Variants in RAB27A observed in about 807,000 individuals in gnomAD.
The protein encoded by RAB27A is ras-related protein Rab-27A.
Under a neutral mutation model 20.8 loss-of-function variants are expected in RAB27A, and 17 were observed. That is an observed-to-expected ratio of 0.82 (90% CI 0.56 to 1.23). RAB27A has a LOEUF of 1.23. Ranked by LOEUF, RAB27A falls within the 50% of genes most tolerant of loss-of-function variation. The pLI is 0.00. For synonymous variants in RAB27A, 85 were observed against 92.8 expected, an observed-to-expected ratio of 0.92 and a Z score of 0.48; for missense variants, 277 against 266.7, an observed-to-expected ratio of 1.04 and a Z score of -0.27.
intron 6 of RAB27A, among the ~76,000 whole-genome samples, chr15:55,221,291 C>A (rs78649439): frequency 4.6e-5 from 6 of 131,172 alleles, no homozygotes; most frequent in African/African-American, 1.7e-4. Flanking sequence ...TCTTTTTTTT[C>A]TTTGCATTTA....
At chr15:55,252,480 T>C (rs1896925642) in intron 2 of RAB27A, among the ~76,000 whole-genome samples, 1 of 152,110 alleles carries the variant, frequency 6.6e-6, no homozygotes, top group Non-Finnish European at 1.5e-5. Context: ...CACGTGCCTG[T>C]AATCCTAGCT....
intron 2 of RAB27A, among the ~76,000 whole-genome samples, chr15:55,308,770 C>A (rs909042046): frequency 6.6e-6 from 1 of 152,228 alleles, no homozygotes; most frequent in African/African-American, 2.4e-5. Context: ...CTGACAGCCA[C>A]AAGTCTCCTT....
chr15:55,242,454 T>C (rs73409890), intron 2 of RAB27A, among the ~76,000 whole-genome samples: 2 of 152,316 alleles, frequency 1.3e-5, no homozygotes, highest in African/African-American at 4.8e-5. Context: ...ACTAATCTCA[T>C]TGGGTTGTTT....
intron 2 of RAB27A, among the ~76,000 whole-genome samples, chr15:55,258,066 CAAAAAAAAAAAA>C (rs553999609): frequency 1.6e-5 from 1 of 61,990 alleles, no homozygotes; most frequent in South Asian, 6.2e-4. Context: ...GACTCAGTCT[CAAAAAAAAAAAA>C]AAAAAAAAGG....
intron 5 of RAB27A, among the ~76,000 whole-genome samples, chr15:55,225,775 G>T (rs1383829766): frequency 6.6e-6 from 1 of 152,086 alleles, no homozygotes; most frequent in East Asian, 1.9e-4. Context: ...AAATTAATCA[G>T]TTATTTTAAA....
chr15:55,211,267 G>A (rs1168875836), intron 6 of RAB27A, among the ~76,000 whole-genome samples: 1 of 151,992 alleles, frequency 6.6e-6, no homozygotes, highest in Admixed American at 6.6e-5. Flanking sequence ...ATAAATTTTA[G>A]GATTTTTTTC....
intron 2 of RAB27A, among the ~76,000 whole-genome samples, chr15:55,305,046 G>GT (rs1166684102): frequency 6.6e-6 from 1 of 152,066 alleles, no homozygotes; most frequent in Non-Finnish European, 1.5e-5. Context: ...TTTTCCTCCT[G>GT]TTTTTGCCTA....
chr15:55,261,160 A>G (rs1182598751), intron 2 of RAB27A, among the ~76,000 whole-genome samples: 1 of 152,122 alleles, frequency 6.6e-6, no homozygotes. Flanking sequence ...GCACTTTGGG[A>G]GGCCGAGGCG....
intron 6 of RAB27A, among the ~76,000 whole-genome samples, chr15:55,209,709 A>T (rs765677775): frequency 6.7e-6 from 1 of 149,512 alleles, no homozygotes; most frequent in Non-Finnish European, 1.5e-5. Context: ...CTTTTAAGAA[A>T]ACTTCCACTA....
At chr15:55,220,177 T>C (rs1895498693) in intron 6 of RAB27A, among the ~76,000 whole-genome samples, 1 of 152,218 alleles carries the variant, frequency 6.6e-6, no homozygotes, top group Admixed American at 6.5e-5. Flanking sequence ...TTCTGAGACA[T>C]GGTGTTTGAT....
intron 2 of RAB27A, among the ~76,000 whole-genome samples, chr15:55,262,977 T>A (rs1284129904): frequency 1.3e-5 from 2 of 152,220 alleles, no homozygotes; most frequent in Non-Finnish European, 2.9e-5. Context: ...AGTACGAGTA[T>A]TATGAATGGG....
At chr15:55,309,722 G>A (rs1037714259) in intron 2 of RAB27A, among the ~76,000 whole-genome samples, 2 of 152,192 alleles carry the variant, frequency 1.3e-5, no homozygotes, top group African/African-American at 4.8e-5. Context: ...CAGAGTATAA[G>A]GGTTAGGTAC....
chr15:55,246,282 C>T (rs1896681461), intron 2 of RAB27A, among the ~76,000 whole-genome samples: 1 of 152,024 alleles, frequency 6.6e-6, no homozygotes, highest in Non-Finnish European at 1.5e-5. Context: ...TTACCATCAC[C>T]TCAGTGGGTG....
chr15:55,237,594 G>A (rs1317863807), intron 2 of RAB27A, among the ~76,000 whole-genome samples: 1 of 152,000 alleles, frequency 6.6e-6, no homozygotes, highest in East Asian at 1.9e-4. Context: ...CGACAACTTG[G>A]ACATCAACAT....
intron 2 of RAB27A, among the ~76,000 whole-genome samples, chr15:55,311,968 T>G (rs937025154): frequency 6.6e-6 from 1 of 152,224 alleles, no homozygotes; most frequent in African/African-American, 2.4e-5. Context: ...CCTGGGGTTC[T>G]TGGCCTCACG....
In RAB27A at chr15:55,205,333, AC is replaced by A. The variant is rs1894589108; in HGVS notation, c.*173del. ...CAGGCTGAATCTTAAAGAAATATTTACAAAGCTGCAACAAATTAATTTTAGA... is the reference window on the plus strand; with the variant it reads ...CAGGCTGAATCTTAAAGAAATATTTAAAAGCTGCAACAAATTAATTTTAGA... On this transcript the variant is annotated 3_prime_UTR_variant, in exon 7 of 7. Coordinates refer to ENST00000336787, the MANE Select transcript of RAB27A (RefSeq NM_183235.3). 2 of 696,064 alleles carry A rather than the reference AC, an allele frequency of 2.9e-6. No individual in the cohort carries two copies. The highest frequency in any genetic ancestry group is 4.9e-6 in the Non-Finnish European group (2 of 406,128). The allele number at this position is 696,064 out of a possible 1,614,324, so 43.1% of individuals were successfully genotyped here. A position where few individuals can be genotyped will look rare whatever the true frequency, so the allele number is the denominator to read the frequency against.
At chr15:55,309,753 T>C (rs2055012324) in intron 2 of RAB27A, among the ~76,000 whole-genome samples, 1 of 151,966 alleles carries the variant, frequency 6.6e-6, no homozygotes, top group South Asian at 2.1e-4. Flanking sequence ...AGATGGACAA[T>C]GGCCTCATTG....
At chr15:55,279,643 A>G (rs993440675) in intron 1 of RAB27A, among the ~76,000 whole-genome samples, 3 of 152,238 alleles carry the variant, frequency 2.0e-5, no homozygotes, top group African/African-American at 7.2e-5. Context: ...GGTTGTGAGA[A>G]TCAAATGAAA....
rs1894547729 is a variant in RAB27A, at chr15:55,204,470, T to C, written c.*1037A>G. The C allele has an allele frequency of 1.3e-5, 2 of 152,232 alleles. No homozygotes were observed. Among genetic ancestry groups the C allele is most frequent in the African/African-American group, 4.8e-5 (2 of 41,468 alleles). 9.4% of individuals were successfully genotyped at this position (152,232 alleles called of 1,614,324 possible). A position where few individuals can be genotyped will look rare whatever the true frequency, so the allele number is the denominator to read the frequency against. On this transcript the variant is annotated 3_prime_UTR_variant, in exon 7 of 7. Coordinates refer to ENST00000336787, the MANE Select transcript of RAB27A (RefSeq NM_183235.3). ...CACCAAATAGCAAACAGGCATCTTA[T>C]GTAATTAAAAACTAATTATTTCAAT... is the stretch of plus-strand genomic sequence containing the variant.
Sources: gnomAD v4.1 joint callset for allele counts (sites outside exome capture counted in the v4.1 genomes callset) on GRCh38, gnomAD v4.1.1 for gene constraint, MANE v1.5 for transcripts, NCBI Gene and HGNC (gene_info 2026-07-23, HGNC 2026-07-21) for gene names.